ZNF679: variants seen among roughly 807,000 people sequenced by gnomAD.
ZNF679 encodes zinc finger protein 679.
A neutral mutation model predicts 13.4 loss-of-function variants in ZNF679; 10 were observed. That is an observed-to-expected ratio of 0.75 (90% CI 0.46 to 1.27). The LOEUF (loss-of-function observed/expected upper bound fraction) is 1.27. ZNF679 is among the 50% of genes most tolerant of loss of function. The pLI is 0.00. For missense variants in ZNF679, 525 were observed against 477.8 expected (o/e 1.10, Z -0.92); for synonymous variants, 179 against 162.5 (o/e 1.10, Z -0.77).
chr7:64,244,007 T>C (rs1787834326), intron 1 of ZNF679, among the ~76,000 whole-genome samples: 1 of 152,160 alleles, frequency 6.6e-6, no homozygotes, highest in Non-Finnish European at 1.5e-5. Context: ...ATCCCAGCAC[T>C]TTGGCAGTCT....
intron 1 of ZNF679, among the ~76,000 whole-genome samples, chr7:64,242,384 T>C (rs574427122): frequency 1.4e-4 from 21 of 152,310 alleles, no homozygotes; most frequent in African/African-American, 4.6e-4. Flanking sequence ...GAGACCTTTG[T>C]GCTTGCCCAG....
Position 64,264,417 on chromosome 7 carries a change from CAAT to C in ZNF679, c.263-1474_263-1472del, listed in dbSNP as rs1788117625. Among the ~76,000 whole-genome samples, 3 of 152,050 alleles carry C rather than the reference CAAT, an allele frequency of 2.0e-5. No individual in the cohort carries two copies. The South Asian group carries it at 6.2e-4, about 32-fold the overall frequency. On this transcript the variant is annotated intron_variant, in intron 4 of 4. Transcript: ENST00000421025. ...ACTAAAAATGTTTTCTGCATGATCA[CAAT>C]AATACCACAGATTTTTATTTTTTGT...
chr7:64,263,639 G>A (rs1788106635), intron 4 of ZNF679, among the ~76,000 whole-genome samples: 1 of 152,068 alleles, frequency 6.6e-6, no homozygotes, highest in South Asian at 2.1e-4. Context: ...TAATTCACAT[G>A]AGAGCTGGTT....
At chr7:64,253,921 ATTTTG>A (rs1277662963) in intron 2 of ZNF679, among the ~76,000 whole-genome samples, 1 of 152,176 alleles carries the variant, frequency 6.6e-6, no homozygotes, top group African/African-American at 2.4e-5. Context: ...ATTAAGAAGT[ATTTTG>A]TTTTGACCAC....
chr7:64,232,815 A>G (rs1282472683), intron 1 of ZNF679, among the ~76,000 whole-genome samples: 1 of 152,152 alleles, frequency 6.6e-6, no homozygotes, highest in Non-Finnish European at 1.5e-5. Context: ...GAGTCACATT[A>G]CCCATGTGAT....
intron 4 of ZNF679, among the ~76,000 whole-genome samples, chr7:64,263,822 T>C (rs566898936): frequency 4.6e-5 from 7 of 152,222 alleles, no homozygotes; most frequent in Non-Finnish European, 8.8e-5. Context: ...CAAAGAAGTC[T>C]TTTTCTTTAT....
At chr7:64,258,124 G>A (rs1310501112) in intron 2 of ZNF679, among the ~76,000 whole-genome samples, 1 of 152,064 alleles carries the variant, frequency 6.6e-6, no homozygotes, top group African/African-American at 2.4e-5. Flanking sequence ...GGGGAGGGCA[G>A]GGAAAAAGAA....
chr7:64,230,064 G>A lies in ZNF679; in HGVS notation c.-91+1412G>A, dbSNP rs865994289. 1.2e-4 allele frequency among the ~76,000 whole-genome samples: 18 copies of A among 152,340 alleles called. 1 individual carries two copies. The highest frequency in any genetic ancestry group is 5.8e-4 in the East Asian group (3 of 5,182). On this transcript the variant is annotated intron_variant, in intron 1 of 4. Transcript: ENST00000421025. ...ACATCATTTGGGTGCAGGATCCAGC[G>A]ATATGTTACAATTCTTACTGGAAGC... is the stretch of plus-strand genomic sequence containing the variant.
At chr7:64,252,906 C>T (rs532686725) in intron 2 of ZNF679, among the ~76,000 whole-genome samples, 58 of 152,158 alleles carry the variant, frequency 3.8e-4, no homozygotes, top group East Asian at 2.3e-3. Context: ...TCAGTAGGGA[C>T]GGGGTTTTGC....
intron 2 of ZNF679, among the ~76,000 whole-genome samples, chr7:64,250,265 GTTTT>G (rs11434714): frequency 5.5e-5 from 5 of 91,318 alleles, no homozygotes; most frequent in African/African-American, 1.7e-4. Flanking sequence ...CTTTCCCTTG[GTTTT>G]TTTTTTTTTT....
intron 4 of ZNF679, among the ~76,000 whole-genome samples, chr7:64,264,570 C>T (rs1323143927): frequency 6.6e-6 from 1 of 151,944 alleles, no homozygotes; most frequent in African/African-American, 2.4e-5. Context: ...TGCTTATATG[C>T]TTTTCCAGCA....
intron 2 of ZNF679, among the ~76,000 whole-genome samples, chr7:64,252,033 A>G (rs1787950116): frequency 6.6e-6 from 1 of 152,220 alleles, no homozygotes; most frequent in African/African-American, 2.4e-5. Flanking sequence ...TTGTGAAGGA[A>G]AAAAACTATT....
chr7:64,246,022 A>ACAAC (rs1562843073), intron 1 of ZNF679, among the ~76,000 whole-genome samples: 1 of 152,174 alleles, frequency 6.6e-6, no homozygotes, highest in Non-Finnish European at 1.5e-5. Flanking sequence ...AAACAAACAA[A>ACAAC]CACAAAGACA....
intron 4 of ZNF679, among the ~76,000 whole-genome samples, chr7:64,261,642 C>A (rs1788078356): frequency 6.6e-6 from 1 of 152,012 alleles, no homozygotes; most frequent in Non-Finnish European, 1.5e-5. Context: ...CAACAACTTA[C>A]ATAGACTTCA....
chr7:64,236,452 GGA>G (rs1491561720), intron 1 of ZNF679, among the ~76,000 whole-genome samples: 1 of 149,842 alleles, frequency 6.7e-6, no homozygotes, highest in Non-Finnish European at 1.5e-5. Context: ...GTTTGTGGGG[GGA>G]AAAAAAAAAG....
intron 1 of ZNF679, among the ~76,000 whole-genome samples, chr7:64,234,703 A>G (rs998966903): frequency 3.9e-5 from 6 of 152,200 alleles, no homozygotes; most frequent in African/African-American, 1.4e-4. Context: ...CTACAGGACT[A>G]CGAGCTAGCA....
rs767622029 is a variant in ZNF679 at position 64,266,244 on chromosome 7, T to G, written c.611T>G (p.Ile204Arg). The G allele has an allele frequency of 6.3e-7, 1 of 1,581,864 alleles. No individual in the cohort carries two copies. Among genetic ancestry groups the G allele is most frequent in the Non-Finnish European group, 8.6e-7 (1 of 1,162,694 alleles). The stretch of plus-strand genomic sequence containing the variant: ...GTTTCACAACTACATCAACATCAGA[T>G]AATTCATACTAGGGAGAATTCCTAC... ...CMVSQLHQHQIIHTRENSYQC... is the reference protein window; with the variant it reads ...CMVSQLHQHQRIHTRENSYQC... Residue 204 changes from isoleucine to arginine, a missense_variant, in exon 5 of 5, where the codon ATA (isoleucine) becomes AGA (arginine). Coordinates refer to ENST00000421025, the MANE Select transcript of ZNF679 (RefSeq NM_153363.3).
At position 64,259,183 on chromosome 7, in the gene ZNF679, A is replaced by T. The variant is rs182958706; in HGVS notation, c.40-1038A>T. Among the ~76,000 whole-genome samples the T allele has an allele frequency of 7.2e-5, 11 of 152,228 alleles. No individual in the cohort carries two copies. In the East Asian group the frequency reaches 1.4e-3, roughly 19 times the overall value. On this transcript the variant is annotated intron_variant, in intron 2 of 4. Transcript: ENST00000421025. ...CGCCTTGGCCCCACAAAGTGCTGGG[A>T]TTACAGGCGTGAGCTACCGTGCCTG... is the stretch of plus-strand genomic sequence containing the variant.
At position 64,249,059 on chromosome 7, in the gene ZNF679, C is replaced by T. The variant is rs1787907015; in HGVS notation, c.-59C>T. The T allele has an allele frequency of 3.1e-6, 5 of 1,612,212 alleles. No individual in the cohort carries two copies. The highest frequency in any genetic ancestry group is 2.2e-5 in the South Asian group (2 of 90,920). On this transcript the variant is annotated 5_prime_UTR_variant, in exon 2 of 5. Transcript: ENST00000421025. ...AGTTCTTCTCTTCACTGCTCTGCGT[C>T]CTCTGTTCCTAGAGGCCAAGCCACT...
Sources: allele counts gnomAD v4.1 joint callset (sites outside exome capture counted in the v4.1 genomes callset), GRCh38; gene constraint gnomAD v4.1.1; transcripts MANE v1.5; gene names NCBI Gene and HGNC (gene_info 2026-07-23, HGNC 2026-07-21).